The following LSAMP variants were observed in gnomAD, a reference collection of about 807,000 sequenced individuals.
The protein encoded by LSAMP is limbic system associated membrane protein.
A neutral mutation model predicts 38.6 loss-of-function variants in LSAMP; 7 were observed. The ratio of observed to expected loss-of-function variants is 0.18; its 90% CI spans 0.10 to 0.34. The LOEUF is 0.34. Ranked by LOEUF, LSAMP falls within the 10% of genes least tolerant of loss-of-function variation. The pLI is 1.00. For missense variants in LSAMP, 313 were observed against 420.0 expected, an observed-to-expected ratio of 0.75 and a Z score of 2.23; for synonymous variants, 154 against 166.8, an observed-to-expected ratio of 0.92 and a Z score of 0.59.
At chr3:116,014,952 C>T (rs908206135) in intron 3 of LSAMP, among the ~76,000 whole-genome samples, 1 of 152,038 alleles carries the variant, frequency 6.6e-6, no homozygotes, top group African/African-American at 2.4e-5. Context: ...AAAGTACCAT[C>T]AGTGAAGGGT....
chr3:116,248,930 G>A (rs866811297), intron 1 of LSAMP, among the ~76,000 whole-genome samples: 60 of 152,030 alleles, frequency 3.9e-4, no homozygotes, highest in African/African-American at 1.4e-3. Flanking sequence ...GGCGGATCAC[G>A]AGGTCAGGAG....
intron 3 of LSAMP, among the ~76,000 whole-genome samples, chr3:115,988,092 A>C (rs1030147059): frequency 5.9e-5 from 9 of 152,252 alleles, no homozygotes; most frequent in Admixed American, 3.9e-4. Context: ...GAGAAGACTC[A>C]TCTCATCTAA....
At chr3:116,116,436 C>G (rs751398188) in intron 1 of LSAMP, among the ~76,000 whole-genome samples, 13 of 151,162 alleles carry the variant, frequency 8.6e-5, no homozygotes, top group Non-Finnish European at 1.2e-4. Flanking sequence ...GTGGCTCACA[C>G]CTGTAATCCC....
chr3:116,215,668 C>CT (rs2046210996), intron 1 of LSAMP, among the ~76,000 whole-genome samples: 1 of 152,124 alleles, frequency 6.6e-6, no homozygotes, highest in Non-Finnish European at 1.5e-5. Context: ...AGCTGCCAAG[C>CT]AATCAGAGAG....
chr3:115,872,714 T>G (rs1031687417), intron 3 of LSAMP, among the ~76,000 whole-genome samples: 1 of 152,142 alleles, frequency 6.6e-6, no homozygotes, highest in African/African-American at 2.4e-5. Flanking sequence ...TTATATTATT[T>G]AACCATTTTG....
intron 3 of LSAMP, among the ~76,000 whole-genome samples, chr3:115,863,130 T>C (rs16824161): frequency 0.19 from 28,903 of 152,226 alleles, 3,552 homozygotes; most frequent in African/African-American, 0.33. Flanking sequence ...ATTACTGCTA[T>C]AGTCTCGAAC....
chr3:116,234,788 T>C (rs1412887058), intron 1 of LSAMP, among the ~76,000 whole-genome samples: 1 of 152,200 alleles, frequency 6.6e-6, no homozygotes, highest in East Asian at 1.9e-4. Context: ...AGCTAATTTT[T>C]ACAGATTTTT....
intron 1 of LSAMP, among the ~76,000 whole-genome samples, chr3:116,326,006 T>C (rs191669689): frequency 6.6e-6 from 1 of 152,312 alleles, no homozygotes; most frequent in Admixed American, 6.5e-5. Context: ...GATCAAAAGC[T>C]GAATAATTGA....
At chr3:115,845,957 T>C (rs1020714381) in intron 4 of LSAMP, among the ~76,000 whole-genome samples, 13 of 152,238 alleles carry the variant, frequency 8.5e-5, no homozygotes, top group African/African-American at 3.1e-4. Flanking sequence ...AGGGTAAATA[T>C]ATGAATACTG....
chr3:116,120,458 G>A (rs1304014232), intron 1 of LSAMP, among the ~76,000 whole-genome samples: 2 of 152,214 alleles, frequency 1.3e-5, no homozygotes, highest in East Asian at 3.8e-4. Context: ...TTTTGGCAAC[G>A]AATGTGTGGA....
intron 1 of LSAMP, among the ~76,000 whole-genome samples, chr3:116,233,109 A>C (rs905203736): frequency 6.6e-6 from 1 of 152,118 alleles, no homozygotes; most frequent in Non-Finnish European, 1.5e-5. Flanking sequence ...GCCATTTAGA[A>C]CATCTGAGAG....
intron 6 of LSAMP, among the ~76,000 whole-genome samples, chr3:115,819,198 C>T (rs145733575): frequency 4.6e-4 from 70 of 152,036 alleles, no homozygotes; most frequent in Admixed American, 1.6e-3. Flanking sequence ...GTAATCCCAG[C>T]ACTTTGGGAG....
At position 115,964,328 on chromosome 3, in the gene LSAMP, ATTAG is replaced by A. The variant is rs533464036; in HGVS notation, c.514+55183_514+55186del. Among the ~76,000 whole-genome samples the A allele has an allele frequency of 1.8e-3, 270 of 152,342 alleles. 3 individuals carry two copies. The highest frequency in any genetic ancestry group is 6.3e-3 in the African/African-American group (260 of 41,578). ...TGGGCATGATGATTAATCAATTAATATTAGTTGAGAAAATGAGTTATGGTACAGT... is the reference window on the plus strand; with the variant it reads ...TGGGCATGATGATTAATCAATTAATATTGAGAAAATGAGTTATGGTACAGT... On this transcript the variant is annotated intron_variant, in intron 3 of 6. Transcript: ENST00000490035.
chr3:116,261,953 A>G (rs528705021), intron 1 of LSAMP, among the ~76,000 whole-genome samples: 1 of 151,190 alleles, frequency 6.6e-6, no homozygotes, highest in African/African-American at 2.4e-5. Context: ...TCTAAATTAA[A>G]GTAAGAGACC....
intron 3 of LSAMP, among the ~76,000 whole-genome samples, chr3:115,861,052 CCCCT>C (rs1190540562): frequency 1.7e-5 from 2 of 117,390 alleles, no homozygotes; most frequent in African/African-American, 6.6e-5. Context: ...CTCCCCTCCT[CCCCT>C]CCCTCCCTCC....
intron 1 of LSAMP, among the ~76,000 whole-genome samples, chr3:116,128,577 G>A (rs1475484095): frequency 2.6e-5 from 4 of 152,172 alleles, no homozygotes; most frequent in Non-Finnish European, 5.9e-5. Flanking sequence ...TGATAGAATG[G>A]ACAAAATCTA....
intron 3 of LSAMP, among the ~76,000 whole-genome samples, chr3:115,854,207 TCTA>T (rs1490499062): frequency 6.6e-6 from 1 of 151,004 alleles, no homozygotes; most frequent in African/African-American, 2.4e-5. Flanking sequence ...AGCACATGCT[TCTA>T]CTGAGAATGT....
chr3:116,032,341 C>G (rs1417490804), intron 2 of LSAMP, among the ~76,000 whole-genome samples: 1 of 152,100 alleles, frequency 6.6e-6, no homozygotes, highest in Non-Finnish European at 1.5e-5. Context: ...ATAGCTCAGA[C>G]AGGTATCATT....
chr3:115,985,054 G>A (rs1212405595), intron 3 of LSAMP, among the ~76,000 whole-genome samples: 3 of 152,068 alleles, frequency 2.0e-5, no homozygotes, highest in African/African-American at 7.2e-5. Context: ...TTGTCCTGAA[G>A]GTATCAGAGC....
Sources: gnomAD v4.1 joint callset for allele counts (sites outside exome capture counted in the v4.1 genomes callset) on GRCh38, gnomAD v4.1.1 for gene constraint, MANE v1.5 for transcripts, NCBI Gene and HGNC (gene_info 2026-07-23, HGNC 2026-07-21) for gene names.